Variants in CFAP96 observed in about 807,000 individuals in gnomAD.
CFAP96 encodes the protein cilia-and flagella-associated protein 96.
chr4:185,418,656 C>T, the CFAP96 span: 3 of 1,613,998 alleles, frequency 1.9e-6, no homozygotes, highest in Non-Finnish European at 2.5e-6. Context: ...GTTTATGTCA[C>T]TGCTAGGCCA....
the CFAP96 span, among the ~76,000 whole-genome samples, chr4:185,419,988 A>C: frequency 6.6e-6 from 1 of 152,248 alleles, no homozygotes; most frequent in Non-Finnish European, 1.5e-5. Flanking sequence ...AGGAACTGCC[A>C]AGCTGTTTTC....
At chr4:185,436,326 C>T in the CFAP96 span, 980 of 1,550,728 alleles carry the variant, frequency 6.3e-4, 10 homozygotes, top group African/African-American at 0.012. Flanking sequence ...CACACTCTGC[C>T]GACTTCTATG....
chr4:185,413,596 C>T, the CFAP96 span: 1 of 928,384 alleles, frequency 1.1e-6, no homozygotes, highest in African/African-American at 1.7e-5. Flanking sequence ...TGTCTGTTAA[C>T]AGAGATGGGT....
chr4:185,443,553 T>G, the CFAP96 span, among the ~76,000 whole-genome samples: 2 of 151,148 alleles, frequency 1.3e-5, no homozygotes, highest in African/African-American at 4.9e-5. Flanking sequence ...TTCGCCATGT[T>G]GCCCAGGCTG....
At chr4:185,448,159 T>C in the CFAP96 span, among the ~76,000 whole-genome samples, 1 of 152,082 alleles carries the variant, frequency 6.6e-6, no homozygotes, top group Non-Finnish European at 1.5e-5. Context: ...TAGCTGGTAT[T>C]ACAGGCGCCC....
the CFAP96 span, among the ~76,000 whole-genome samples, chr4:185,431,430 T>TA: frequency 6.6e-6 from 1 of 152,228 alleles, no homozygotes; most frequent in African/African-American, 2.4e-5. Context: ...TTCCACAGCT[T>TA]AAAAATCTGT....
the CFAP96 span, among the ~76,000 whole-genome samples, chr4:185,413,134 G>A: frequency 4.6e-5 from 7 of 152,226 alleles, no homozygotes; most frequent in East Asian, 1.4e-3. Flanking sequence ...GTGAAATCCT[G>A]TCTCTACTAA....
chr4:185,443,320 GTATA>G, the CFAP96 span, among the ~76,000 whole-genome samples: 38 of 55,982 alleles, frequency 6.8e-4, no homozygotes, highest in Middle Eastern at 0.01. Context: ...TATTTTTTAT[GTATA>G]TATATATATA....
the CFAP96 span, among the ~76,000 whole-genome samples, chr4:185,434,188 C>A: frequency 6.6e-6 from 1 of 152,034 alleles, no homozygotes; most frequent in African/African-American, 2.4e-5. Flanking sequence ...CACTGCACTG[C>A]ACTGCAGCCT....
At chr4:185,413,862 T>A in the CFAP96 span, 5 of 1,601,936 alleles carry the variant, frequency 3.1e-6, no homozygotes, top group Non-Finnish European at 4.3e-6. Context: ...ATTGAAAAGA[T>A]CATGTAACTC....
the CFAP96 span, among the ~76,000 whole-genome samples, chr4:185,448,542 C>G: frequency 2.0e-5 from 3 of 152,084 alleles, no homozygotes; most frequent in African/African-American, 7.2e-5. Flanking sequence ...GTCACTGAAC[C>G]ACGATTCCCC....
the CFAP96 span, among the ~76,000 whole-genome samples, chr4:185,418,259 T>C: frequency 4.6e-5 from 7 of 152,198 alleles, no homozygotes; most frequent in African/African-American, 1.7e-4. Context: ...TTATGTATTA[T>C]AATCAGACAA....
At chr4:185,409,134 G>A in the CFAP96 span, among the ~76,000 whole-genome samples, 1 of 152,092 alleles carries the variant, frequency 6.6e-6, no homozygotes, top group Non-Finnish European at 1.5e-5. Context: ...ATGAATGAAG[G>A]AAGGAATAAA....
chr4:185,417,961 T>C, the CFAP96 span, among the ~76,000 whole-genome samples: 90 of 151,596 alleles, frequency 5.9e-4, no homozygotes, highest in African/African-American at 1.8e-3. Flanking sequence ...GGAGAATCAC[T>C]TGAACCCGGG....
At chr4:185,443,447 C>A in the CFAP96 span, among the ~76,000 whole-genome samples, 1 of 145,896 alleles carries the variant, frequency 6.9e-6, no homozygotes, top group Non-Finnish European at 1.5e-5. Flanking sequence ...AGGTTCAATT[C>A]AAGCGATTCC....
At chr4:185,430,505 T>C in the CFAP96 span, among the ~76,000 whole-genome samples, 4 of 152,226 alleles carry the variant, frequency 2.6e-5, no homozygotes, top group East Asian at 7.7e-4. Context: ...TGATTATCTC[T>C]TTGCCTGTGG....
chr4:185,449,505 A>C, the CFAP96 span: 1 of 779,932 alleles, frequency 1.3e-6, no homozygotes, highest in Non-Finnish European at 2.0e-6. Context: ...CCTGGGCAAC[A>C]GAGCGAGACC....
the CFAP96 span, among the ~76,000 whole-genome samples, chr4:185,416,333 C>G: frequency 6.6e-6 from 1 of 152,184 alleles, no homozygotes; most frequent in African/African-American, 2.4e-5. Flanking sequence ...ATCAAATTAA[C>G]ATAAAATAAC....
the CFAP96 span, chr4:185,432,131 C>T: frequency 4.4e-4 from 690 of 1,551,664 alleles, 2 homozygotes; most frequent in African/African-American, 7.7e-3. Flanking sequence ...AGTGAGGAGA[C>T]GGGATATGGT....
Sources: gnomAD v4.1 joint callset for allele counts (sites outside exome capture counted in the v4.1 genomes callset) on GRCh38, gnomAD v4.1.1 for gene constraint, MANE v1.5 for transcripts, NCBI Gene and HGNC (gene_info 2026-07-23, HGNC 2026-07-21) for gene names.